Variants in KRT25 observed in about 807,000 individuals in gnomAD.
KRT25 encodes keratin, type I cytoskeletal 25.
KRT25 carries 37 observed loss-of-function variants against 47.6 expected under a neutral mutation model. The ratio of observed to expected loss-of-function variants is 0.78; its 90% confidence interval spans 0.60 to 1.02. KRT25 has a LOEUF of 1.02. Ranked by LOEUF, KRT25 falls within the 50% of genes least tolerant of loss-of-function variation. The probability of loss-of-function intolerance (pLI) is 0.00; values close to 1 mark genes in which losing one functional copy is unlikely to be tolerated. For synonymous variants in KRT25, 203 were observed against 210.2 expected, an observed-to-expected ratio of 0.97 and a Z score of 0.30; for missense variants, 542 against 550.3, an observed-to-expected ratio of 0.98 and a Z score of 0.15.
rs1019747199 is a variant in KRT25, at chr17:40,748,241, G to A, written c.*36C>T. Reference sequence around the variant, plus strand: ...GATACATAATGCCTTTTCTTCGCAGGGGCTATGTGGCATACGTTCTCTGTT... The same window carrying A: ...GATACATAATGCCTTTTCTTCGCAGAGGCTATGTGGCATACGTTCTCTGTT... On this transcript the variant is annotated 3_prime_UTR_variant, in exon 8 of 8. Transcript: ENST00000312150. 1 of 1,350,398 alleles carries A rather than the reference G, an allele frequency of 7.4e-7. No individual in the cohort carries two copies. The highest frequency in any genetic ancestry group is 1.0e-6 in the Non-Finnish European group (1 of 961,522). 83.7% of individuals were successfully genotyped at this position (1,350,398 alleles called of 1,614,324 possible). A position where few individuals can be genotyped will look rare whatever the true frequency, so the allele number is the denominator to read the frequency against.
rs34581327 is a variant in KRT25 at position 40,748,706 on chromosome 17, T to C, written c.1244-320A>G. Among the ~76,000 whole-genome samples, 747 of 152,318 alleles carry C rather than the reference T, an allele frequency of 4.9e-3. 8 individuals are homozygous for C. The highest frequency in any genetic ancestry group is 0.017 in the African/African-American group (717 of 41,566). ...AGCTATGCATTAAAAATGAAGTAGT[T>C]GGGTATATATACCCAGAGGAATAGA... On this transcript the variant is annotated intron_variant, in intron 7 of 7. Transcript: ENST00000312150.
At chr17:40,749,545 G>A (rs1188694803) in intron 6 of KRT25, among the ~76,000 whole-genome samples, 1 of 152,214 alleles carries the variant, frequency 6.6e-6, no homozygotes, top group African/African-American at 2.4e-5. Context: ...AGAAGAGATA[G>A]GCAGAAGAGG....
Position 40,748,241 on chromosome 17 carries a change from G to C in KRT25, c.*36C>G. ...GATACATAATGCCTTTTCTTCGCAG[G>C]GGCTATGTGGCATACGTTCTCTGTT... On this transcript the variant is annotated 3_prime_UTR_variant, in exon 8 of 8. Coordinates refer to ENST00000312150, the MANE Select transcript of KRT25 (RefSeq NM_181534.4). 7.4e-7 allele frequency: 1 copy of C among 1,350,520 alleles called. No individual in the cohort carries two copies. Among genetic ancestry groups the C allele is most frequent in the Non-Finnish European group, 1.0e-6 (1 of 961,516 alleles). The allele number at this position is 1,350,520 out of a possible 1,614,324, so 83.7% of individuals were successfully genotyped here. A position where few individuals can be genotyped will look rare whatever the true frequency, so the allele number is the denominator to read the frequency against.
At chr17:40,752,799 A>T (rs1455858073) in intron 3 of KRT25, among the ~76,000 whole-genome samples, 2 of 152,212 alleles carry the variant, frequency 1.3e-5, no homozygotes, top group Non-Finnish European at 2.9e-5. Context: ...CTCATGACTA[A>T]TCAAGTAGGA....
At chr17:40,749,347 G>A (rs1466269735) in intron 6 of KRT25, 22 bp from the exon 7 acceptor site, 1 of 1,577,122 alleles carries the variant, frequency 6.3e-7, no homozygotes. Flanking sequence ...TCGCAAAAGA[G>A]GGTGATTTAG....
rs766783183 is a variant in KRT25 at position 40,750,961 on chromosome 17, A to G, written c.950T>C (p.Leu317Pro). 2.1e-5 allele frequency: 34 copies of G among 1,614,062 alleles called. No individual in the cohort carries two copies. The South Asian group carries it at 3.7e-4, about 18-fold the overall frequency. Reference sequence around the variant, plus strand: ...AAATTGTTCTTTTCATACCGTGGCTAGGAGAGACTGAAGTTCAATTTCCAG... The same window carrying G: ...AAATTGTTCTTTTCATACCGTGGCTGGGAGAGACTGAAGTTCAATTTCCAG... Reference protein sequence around the residue: ...QTLEIELQSLLATKHSLECSL... With the variant: ...QTLEIELQSLPATKHSLECSL... The change falls in exon 5 of 8, where the codon CTA (leucine) becomes CCA (proline). Residue 317 changes from leucine (L) to proline (P), a missense_variant. By Grantham distance (98) the Leu-to-Pro change is moderately conservative. Transcript: ENST00000312150.
intron 3 of KRT25, among the ~76,000 whole-genome samples, chr17:40,751,656 A>G (rs2038049419): frequency 1.3e-5 from 2 of 152,222 alleles, no homozygotes; most frequent in Admixed American, 6.5e-5. Context: ...CCTTTTCCAT[A>G]TGAAAGTTTT....
chr17:40,752,040 T>C (rs913017777), intron 3 of KRT25, among the ~76,000 whole-genome samples: 7 of 152,150 alleles, frequency 4.6e-5, no homozygotes, highest in Non-Finnish European at 2.9e-5. Flanking sequence ...TTCTGCCCTA[T>C]AGTGGCTAGT....
rs1275951893 is a variant in KRT25, at chr17:40,751,041, T to C, written c.870A>G (p.Gly290=). ...SLQQQISEDV[G]ATTSARNELT... ...GCTCATTCCGGGCTGAGGTTGTGGC[T>C]CCGACATCCTCAGAGATCTGCTGCT... Residue 290 remains glycine, a synonymous_variant, in exon 5 of 8, where the codon GGA becomes GGG. Coordinates refer to ENST00000312150, the MANE Select transcript of KRT25 (RefSeq NM_181534.4). 1.2e-6 allele frequency: 2 copies of C among 1,614,076 alleles called. No individual in the cohort carries two copies. Among genetic ancestry groups the C allele is most frequent in the African/African-American group, 1.3e-5 (1 of 74,924 alleles).
intron 6 of KRT25, among the ~76,000 whole-genome samples, chr17:40,750,129 C>T (rs778257313): frequency 6.6e-6 from 1 of 152,108 alleles, no homozygotes; most frequent in Non-Finnish European, 1.5e-5. Context: ...CTCCATTTAG[C>T]CTCCCGTTTG....
Position 40,754,899 on chromosome 17 carries a change from C to T in KRT25, c.373G>A (p.Gly125Ser). 1.9e-6 allele frequency: 3 copies of T among 1,614,004 alleles called. No homozygotes were observed. The South Asian group carries it at 3.3e-5, about 18-fold the overall frequency. Reference protein sequence around the residue: ...YEKFGPGSCRGLDHDYSRYFP... With the variant: ...YEKFGPGSCRSLDHDYSRYFP... ...TATCTGCTATAGTCATGATCAAGAC[C>T]ACGGCAAGAGCCAGGCCCAAATTTC... is the stretch of plus-strand genomic sequence containing the variant. The change falls in exon 1 of 8, where the codon GGT becomes AGT. Residue 125 changes from glycine to serine, a missense_variant. By Grantham distance (56) the Gly-to-Ser change is moderately conservative. Coordinates refer to ENST00000312150, the MANE Select transcript of KRT25 (RefSeq NM_181534.4).
intron 3 of KRT25, 49 bp from the exon 4 acceptor site, chr17:40,751,375 A>C: frequency 6.5e-7 from 1 of 1,544,400 alleles, no homozygotes; most frequent in Non-Finnish European, 8.7e-7. Context: ...TCTCATGGAA[A>C]GTCTAGAAGC....
chr17:40,750,461 T>C lies in KRT25; in HGVS notation c.1094A>G (p.Glu365Gly). The C allele has an allele frequency of 6.2e-7, 1 of 1,614,036 alleles. No individual in the cohort carries two copies. Among genetic ancestry groups the C allele is most frequent in the Non-Finnish European group, 8.5e-7 (1 of 1,179,914 alleles). Residue 365 changes from glutamate (E) to glycine (G), a missense_variant, in exon 6 of 8, where the codon GAG becomes GGG. Transcript: ENST00000312150. ...VRTETEGQKLEYEQLLDIKLH... is the reference protein window; with the variant it reads ...VRTETEGQKLGYEQLLDIKLH... ...CTTGATGTCCAGGAGCTGCTCATACTCCAGCTTCTGGCCCTCGGTCTCGGT... is the reference window on the plus strand; with the variant it reads ...CTTGATGTCCAGGAGCTGCTCATACCCCAGCTTCTGGCCCTCGGTCTCGGT...
intron 3 of KRT25, among the ~76,000 whole-genome samples, chr17:40,752,096 T>C (rs1267537890): frequency 6.6e-6 from 1 of 152,154 alleles, no homozygotes; most frequent in Non-Finnish European, 1.5e-5. Flanking sequence ...TATTTGCTTA[T>C]CTGAAAATTG....
chr17:40,751,430 C>G, intron 3 of KRT25, 104 bp from the exon 4 acceptor site: 4 of 1,301,920 alleles, frequency 3.1e-6, no homozygotes, highest in Non-Finnish European at 4.1e-6. Flanking sequence ...TTTCCCCTCC[C>G]AGGCTGTGCA....
chr17:40,748,497 C>T (rs2038016892), intron 7 of KRT25, 111 bp from the exon 8 acceptor site: 1 of 636,474 alleles, frequency 1.6e-6, no homozygotes, highest in South Asian at 2.1e-5. Context: ...GCACTAAGCA[C>T]AAATACTTAG....
intron 2 of KRT25, 120 bp from the exon 3 acceptor site, chr17:40,754,136 T>C: frequency 1.0e-6 from 1 of 995,372 alleles, no homozygotes; most frequent in Non-Finnish European, 1.5e-6. Context: ...AAGAGGCATT[T>C]TCAAAGCTTG....
chr17:40,752,281 G>C (rs986843017), intron 3 of KRT25, among the ~76,000 whole-genome samples: 16 of 152,242 alleles, frequency 1.1e-4, no homozygotes, highest in Non-Finnish European at 1.6e-4. Flanking sequence ...ATGTTACCCT[G>C]TCTGAACTGC....
intron 5 of KRT25, 146 bp downstream of exon 5, chr17:40,750,808 T>A: frequency 8.2e-7 from 1 of 1,217,756 alleles, no homozygotes; most frequent in South Asian, 1.5e-5. Flanking sequence ...GTTTTAGGTG[T>A]CAGCTATACA....
Sources: allele counts gnomAD v4.1 joint callset (sites outside exome capture counted in the v4.1 genomes callset), GRCh38; gene constraint gnomAD v4.1.1; transcripts MANE v1.5; gene names NCBI Gene and HGNC (gene_info 2026-07-23, HGNC 2026-07-21).